FGF14: variants seen among roughly 807,000 people sequenced by gnomAD.
The protein encoded by FGF14 is fibroblast growth factor homologous factor 4.
FGF14 carries 5 observed loss-of-function variants against 25.5 expected under a neutral mutation model. The observed-to-expected ratio is 0.20, with a 90% CI of 0.10 to 0.41. The LOEUF is 0.41. Among genes scored for constraint, FGF14 ranks in the 10% least tolerant of loss-of-function variants. The pLI is 1.00. For missense variants in FGF14, 222 were observed against 320.1 expected (o/e 0.69, Z 2.34); for synonymous variants, 138 against 118.3 (o/e 1.17, Z -1.08).
intron 1 of FGF14, among the ~76,000 whole-genome samples, chr13:102,020,682 T>A (rs2139861839): frequency 6.6e-6 from 1 of 152,150 alleles, no homozygotes; most frequent in Non-Finnish European, 1.5e-5. Flanking sequence ...AGAGTACAAT[T>A]GAGGTTGGTC....
intron 1 of FGF14, among the ~76,000 whole-genome samples, chr13:102,206,904 T>G (rs1028059447): frequency 6.6e-6 from 1 of 152,192 alleles, no homozygotes; most frequent in Non-Finnish European, 1.5e-5. Flanking sequence ...TTTGGGGCAC[T>G]ATCTCATCTT....
chr13:101,967,566 A>G (rs1434431485), intron 1 of FGF14: 1 of 152,450 alleles, frequency 6.6e-6, no homozygotes, highest in Non-Finnish European at 1.5e-5. Context: ...ACTGGAAGGC[A>G]TAAGTAAGCA....
intron 1 of FGF14, among the ~76,000 whole-genome samples, chr13:102,083,446 T>A: frequency 6.6e-6 from 1 of 152,100 alleles, no homozygotes; most frequent in East Asian, 1.9e-4. Flanking sequence ...ATTAACCCAA[T>A]ATAACTTGGC....
At chr13:102,161,578 AAG>A (rs1462955337) in intron 1 of FGF14, among the ~76,000 whole-genome samples, 247 of 3,758 alleles carry the variant, frequency 0.066, 21 homozygotes, top group Non-Finnish European at 0.1. Context: ...AGAAAGAAAG[AAG>A]AAGAAGAAGA....
chr13:101,833,610 T>C (rs1333809340), intron 3 of FGF14, among the ~76,000 whole-genome samples: 2 of 152,098 alleles, frequency 1.3e-5, no homozygotes, highest in Non-Finnish European at 2.9e-5. Flanking sequence ...TCTGTGTGTA[T>C]ATACATATAT....
chr13:102,368,717 C>A (rs2057788396), intron 1 of FGF14, among the ~76,000 whole-genome samples: 1 of 152,162 alleles, frequency 6.6e-6, no homozygotes, highest in African/African-American at 2.4e-5. Flanking sequence ...CTAAATTAGT[C>A]ATTATTTTCT....
chr13:101,819,732 A>G (rs2140228436), intron 3 of FGF14, among the ~76,000 whole-genome samples: 1 of 152,258 alleles, frequency 6.6e-6, no homozygotes, highest in South Asian at 2.1e-4. Context: ...TATAATATGG[A>G]TTTTTAGAAT....
chr13:102,047,953 A>G (rs930328296), intron 1 of FGF14, among the ~76,000 whole-genome samples: 1 of 151,814 alleles, frequency 6.6e-6, no homozygotes, highest in Admixed American at 6.6e-5. Context: ...GGGCCCTTTT[A>G]GTTGGTATGG....
chr13:101,866,628 G>T (rs1452280432), intron 3 of FGF14, among the ~76,000 whole-genome samples: 7 of 152,112 alleles, frequency 4.6e-5, no homozygotes, highest in Admixed American at 4.6e-4. Flanking sequence ...TTGCTATATT[G>T]TGCTCTATAT....
At chr13:102,155,428 A>C (rs1431882596) in intron 1 of FGF14, among the ~76,000 whole-genome samples, 1 of 152,230 alleles carries the variant, frequency 6.6e-6, no homozygotes, top group African/African-American at 2.4e-5. Context: ...TACATAACGA[A>C]ATGAAGGCAG....
At chr13:101,827,556 T>C (rs1566947968) in intron 3 of FGF14, among the ~76,000 whole-genome samples, 1 of 151,886 alleles carries the variant, frequency 6.6e-6, no homozygotes, top group African/African-American at 2.4e-5. Context: ...AGGCTATTCA[T>C]AAGATATATA....
At chr13:102,137,349 C>T (rs2046455958) in intron 1 of FGF14, among the ~76,000 whole-genome samples, 1 of 152,150 alleles carries the variant, frequency 6.6e-6, no homozygotes, top group Admixed American at 6.5e-5. Flanking sequence ...GAGATATACT[C>T]CGGACAAGCA....
At chr13:101,955,775 A>C (rs376725555) in intron 1 of FGF14, among the ~76,000 whole-genome samples, 1 of 152,238 alleles carries the variant, frequency 6.6e-6, no homozygotes, top group Non-Finnish European at 1.5e-5. Context: ...CTTTGCTCCA[A>C]CATAAAAGGG....
At chr13:101,760,617 G>A (rs1210664484) in intron 3 of FGF14, among the ~76,000 whole-genome samples, 4 of 152,140 alleles carry the variant, frequency 2.6e-5, no homozygotes, top group Non-Finnish European at 4.4e-5. Flanking sequence ...CTCTGAAATT[G>A]CCTTAACCAA....
At chr13:101,849,707 T>C (rs531966580) in intron 3 of FGF14, among the ~76,000 whole-genome samples, 74 of 152,214 alleles carry the variant, frequency 4.9e-4, no homozygotes, top group African/African-American at 1.7e-3. Flanking sequence ...AGTTTAGGTG[T>C]ATTTTGGCCA....
intron 1 of FGF14, 44 bp downstream of exon 1, chr13:101,916,408 AG>A: frequency 1.9e-6 from 3 of 1,605,902 alleles, no homozygotes; most frequent in Non-Finnish European, 2.6e-6. Context: ...TTAGGCGGGG[AG>A]GGGGCGACCC....
chr13:101,734,946 C>T (rs546112337), intron 3 of FGF14, among the ~76,000 whole-genome samples: 3 of 152,232 alleles, frequency 2.0e-5, no homozygotes, highest in Admixed American at 6.5e-5. Flanking sequence ...ATTCTTCATC[C>T]TCCTCCTCCC....
intron 1 of FGF14, among the ~76,000 whole-genome samples, chr13:102,277,483 T>C (rs2053605515): frequency 6.6e-6 from 1 of 152,234 alleles, no homozygotes; most frequent in Admixed American, 6.5e-5. Context: ...CCTCATCAGC[T>C]TGACTTACCA....
intron 1 of FGF14, chr13:102,366,305 A>C (rs2057710834): frequency 6.6e-6 from 1 of 152,186 alleles, no homozygotes; most frequent in South Asian, 2.1e-4. Context: ...ATCATGAGTG[A>C]CTGAAATACT....
Sources: gnomAD v4.1 joint callset for allele counts (sites outside exome capture counted in the v4.1 genomes callset) on GRCh38, gnomAD v4.1.1 for gene constraint, MANE v1.5 for transcripts, NCBI Gene and HGNC (gene_info 2026-07-23, HGNC 2026-07-21) for gene names.